Variants in FBLIM1 observed in about 807,000 individuals in gnomAD.
FBLIM1 encodes the protein filamin-binding LIM protein 1.
FBLIM1 carries 29 observed loss-of-function variants against 37.4 expected under a neutral mutation model. The observed-to-expected ratio is 0.77, with a 90% CI of 0.58 to 1.06. The LOEUF (loss-of-function observed/expected upper bound fraction) is 1.06. FBLIM1 is among the 50% of genes least tolerant of loss of function. The probability of loss-of-function intolerance (pLI) is 0.00; values close to 1 mark genes in which losing one functional copy is unlikely to be tolerated. For missense variants in FBLIM1, 449 were observed against 505.6 expected (o/e 0.89, Z 1.07); for synonymous variants, 193 against 199.0 (o/e 0.97, Z 0.25).
At chr1:15,767,262 G>A in intron 3 of FBLIM1, 114 bp from the exon 4 acceptor site, 1 of 901,516 alleles carries the variant, frequency 1.1e-6, no homozygotes, top group Non-Finnish European at 1.6e-6. Context: ...ACCCAGGCCG[G>A]GGTGATCCCG....
chr1:15,757,764 A>G (rs2068478987), upstream of FBLIM1, among the ~76,000 whole-genome samples: 1 of 152,156 alleles, frequency 6.6e-6, no homozygotes, highest in Non-Finnish European at 1.5e-5. The surrounding 1 kb of genome is among the most constrained non-coding windows in gnomAD (Gnocchi z 4.1). Context: ...CTGCCTCTGA[A>G]TCAGACCCAG....
intron 6 of FBLIM1, among the ~76,000 whole-genome samples, chr1:15,771,178 G>A (rs1249873071): frequency 6.7e-6 from 1 of 148,476 alleles, no homozygotes; most frequent in African/African-American, 2.5e-5. Flanking sequence ...GACCTCGTGA[G>A]CCACCCACCT....
intron 1 of FBLIM1, among the ~76,000 whole-genome samples, chr1:15,762,520 A>C (rs4375263): frequency 0.36 from 54,187 of 151,554 alleles, 10,547 homozygotes; most frequent in African/African-American, 0.53. Context: ...CTTGCCCTCC[A>C]AAAATGCTAA....
intron 1 of FBLIM1, among the ~76,000 whole-genome samples, chr1:15,759,650 C>G (rs1295018642): frequency 6.6e-6 from 1 of 152,192 alleles, no homozygotes; most frequent in Non-Finnish European, 1.5e-5. Flanking sequence ...AGTCTTCTTT[C>G]CTTATATATC....
upstream of FBLIM1, among the ~76,000 whole-genome samples, chr1:15,757,784 C>T (rs1044476828): frequency 1.3e-5 from 2 of 152,198 alleles, no homozygotes; most frequent in African/African-American, 4.8e-5. This position sits in a 1 kb window ranked among gnomAD's most constrained non-coding sequence, Gnocchi z 4.1. Context: ...GATTCCTTTC[C>T]CCACAATGTC....
chr1:15,770,929 C>T (rs1557696748), intron 6 of FBLIM1, among the ~76,000 whole-genome samples: 2 of 151,374 alleles, frequency 1.3e-5, no homozygotes, highest in Admixed American at 6.6e-5. Flanking sequence ...TTCTTTTTTT[C>T]TTCTTCTTCT....
At position 15,784,923 on chromosome 1, in the gene FBLIM1, GA is replaced by G. The variant is rs1415008173; in HGVS notation, c.*266del. ...CTGCTGACCCTGCCCCACTTCCAGG[GA>G]AAAGCTGGGGGAGGTTGGACCCCTC... On this transcript the variant is annotated 3_prime_UTR_variant, in exon 9 of 9. Transcript: ENST00000375766. 17 of 363,570 alleles carry G rather than the reference GA, an allele frequency of 4.7e-5. No individual in the cohort carries two copies. The highest frequency in any genetic ancestry group is 8.6e-5 in the Non-Finnish European group (17 of 197,550). 22.5% of individuals were successfully genotyped at this position (363,570 alleles called of 1,614,324 possible).
Position 15,784,790 on chromosome 1 carries a change from C to A in FBLIM1, c.*129C>A. ...CCATGGAGACCAGCCTGCAAGCCGGCCCAGCCTGTCCAGGATACAGTGGGG... is the reference window on the plus strand; with the variant it reads ...CCATGGAGACCAGCCTGCAAGCCGGACCAGCCTGTCCAGGATACAGTGGGG... On this transcript the variant is annotated 3_prime_UTR_variant, in exon 9 of 9. Transcript: ENST00000375766. The A allele has an allele frequency of 2.7e-6, 2 of 746,662 alleles. No individual in the cohort carries two copies. Among genetic ancestry groups the A allele is most frequent in the Admixed American group, 2.3e-5 (1 of 42,618 alleles). 46.3% of individuals were successfully genotyped at this position (746,662 alleles called of 1,614,324 possible). A position where few individuals can be genotyped will look rare whatever the true frequency, so the allele number is the denominator to read the frequency against.
rs772780243 is a variant in FBLIM1 at position 15,768,535 on chromosome 1, C to T, written c.446C>T (p.Ala149Val). The change falls in exon 5 of 9, where the codon GCG becomes GTG. Residue 149 changes from alanine to valine, a missense_variant. By Grantham distance (64) the Ala-to-Val change is moderately conservative. Coordinates refer to ENST00000375766, the MANE Select transcript of FBLIM1 (RefSeq NM_017556.4). ...CCGTCTGCATCCCCACAGGCCCCAGCGGAGGGACCTTCAGTCCAGCCCGGT... is the reference window on the plus strand; with the variant it reads ...CCGTCTGCATCCCCACAGGCCCCAGTGGAGGGACCTTCAGTCCAGCCCGGT... ...SPPPPPPQAPAEGPSVQPGPL... is the reference protein window; with the variant it reads ...SPPPPPPQAPVEGPSVQPGPL... 2.0e-5 allele frequency: 31 copies of T among 1,582,500 alleles called. No homozygotes were observed. Among genetic ancestry groups the T allele is most frequent in the African/African-American group, 1.1e-4 (8 of 73,546 alleles).
Position 15,767,368 on chromosome 1 carries a change from C to G in FBLIM1, c.251-8C>G, listed in dbSNP as rs1417724366. On this transcript the variant is annotated splice_region_variant and splice_polypyrimidine_tract_variant and intron_variant, in intron 3 of 8. Coordinates refer to ENST00000375766, the MANE Select transcript of FBLIM1 (RefSeq NM_017556.4). ...CTCTGACCAGCCCTCTCTCCTCCCC[C>G]ATTGCAGGATGCCCACCCCCTCCTC... 4 of 1,566,870 alleles carry G rather than the reference C, an allele frequency of 2.6e-6. No individual in the cohort carries two copies. In the Admixed American group the frequency reaches 7.4e-5, roughly 29 times the overall value.
At chr1:15,773,198 C>T (rs2069305153) in intron 6 of FBLIM1, among the ~76,000 whole-genome samples, 1 of 151,694 alleles carries the variant, frequency 6.6e-6, no homozygotes, top group African/African-American at 2.4e-5. Flanking sequence ...CCAGCCTGAC[C>T]AAAATGGAAA....
At chr1:15,774,347 C>T (rs1159651331) in intron 6 of FBLIM1, among the ~76,000 whole-genome samples, 1 of 152,194 alleles carries the variant, frequency 6.6e-6, no homozygotes, top group African/African-American at 2.4e-5. Context: ...TCTGTGGACC[C>T]TGGCCATAAA....
At chr1:15,783,294 A>C (rs1391316050) in intron 8 of FBLIM1, among the ~76,000 whole-genome samples, 1 of 152,174 alleles carries the variant, frequency 6.6e-6, no homozygotes, top group African/African-American at 2.4e-5. Context: ...TTTGAAAAAT[A>C]GAAAATATTA....
intron 1 of FBLIM1, among the ~76,000 whole-genome samples, chr1:15,761,678 T>C (rs982004765): frequency 2.0e-5 from 3 of 152,122 alleles, no homozygotes; most frequent in African/African-American, 7.2e-5. Context: ...TTAAAATAAG[T>C]TTTGAAGCTC....
intron 6 of FBLIM1, among the ~76,000 whole-genome samples, chr1:15,773,356 C>T (rs2069315310): frequency 6.6e-6 from 1 of 151,090 alleles, no homozygotes; most frequent in Non-Finnish European, 1.5e-5. Context: ...GCACTCCAGC[C>T]TGCGCAACAG....
At chr1:15,771,443 C>T (rs2069206431) in intron 6 of FBLIM1, among the ~76,000 whole-genome samples, 1 of 151,838 alleles carries the variant, frequency 6.6e-6, no homozygotes, top group African/African-American at 2.4e-5. Flanking sequence ...GATGGGATTT[C>T]ACCACTTTGG....
At chr1:15,771,248 T>G (rs57424105) in intron 6 of FBLIM1, among the ~76,000 whole-genome samples, 72 of 97,196 alleles carry the variant, frequency 7.4e-4, no homozygotes, top group Admixed American at 3.8e-3. Flanking sequence ...TGTTTTTTTT[T>G]GTTTTTTTTT....
intron 1 of FBLIM1, among the ~76,000 whole-genome samples, chr1:15,760,934 C>T (rs2148453860): frequency 6.6e-6 from 1 of 152,222 alleles, no homozygotes; most frequent in Non-Finnish European, 1.5e-5. Flanking sequence ...AGCCGGGGCT[C>T]CCTCTCCCGA....
chr1:15,765,624 G>A lies in FBLIM1; in HGVS notation c.250+391G>A, dbSNP rs1223252708. Among the ~76,000 whole-genome samples, 3 of 152,030 alleles carry A rather than the reference G, an allele frequency of 2.0e-5. No individual in the cohort carries two copies. The highest frequency in any genetic ancestry group is 4.8e-5 in the African/African-American group (2 of 41,378). On this transcript the variant is annotated intron_variant, in intron 3 of 8. Transcript: ENST00000375766. This position sits in a 1 kb window ranked among gnomAD's most constrained non-coding sequence, Gnocchi z 5.9. Reference sequence around the variant, plus strand: ...CCCTGAAGTGAGATAAGTTTTAGGTGACCAGCTTGGTCATGCGCCTGGTCT... The same window carrying A: ...CCCTGAAGTGAGATAAGTTTTAGGTAACCAGCTTGGTCATGCGCCTGGTCT...
Sources: gnomAD v4.1 joint callset for allele counts (sites outside exome capture counted in the v4.1 genomes callset) on GRCh38, gnomAD v4.1.1 for gene constraint, Gnocchi (gnomAD v3.1) non-coding constraint, MANE v1.5 for transcripts, NCBI Gene and HGNC (gene_info 2026-07-23, HGNC 2026-07-21) for gene names.